CASTOR2: variants seen among roughly 807,000 people sequenced by gnomAD.
The protein encoded by CASTOR2 is GATS protein like 2.
A neutral mutation model predicts 31.2 loss-of-function variants in CASTOR2; 8 were observed. The observed-to-expected ratio is 0.26, with a 90% CI of 0.15 to 0.46. CASTOR2 has a LOEUF of 0.46. Ranked by LOEUF, CASTOR2 falls within the 20% of genes least tolerant of loss-of-function variation. CASTOR2 has a pLI of 0.99. For synonymous variants in CASTOR2, 162 were observed against 158.7 expected (o/e 1.02, Z -0.16); for missense variants, 216 against 382.1 (o/e 0.57, Z 3.62).
intron 1 of CASTOR2, among the ~76,000 whole-genome samples, chr7:74,993,248 A>G (rs1804254611): frequency 6.6e-6 from 1 of 151,868 alleles, no homozygotes; most frequent in Admixed American, 6.6e-5. Flanking sequence ...GAAGTCATCT[A>G]CCCCCAGGAT....
At chr7:74,992,520 A>G (rs1584465432) in intron 1 of CASTOR2, among the ~76,000 whole-genome samples, 1 of 151,912 alleles carries the variant, frequency 6.6e-6, no homozygotes, top group African/African-American at 2.4e-5. Flanking sequence ...GCTCACTGCA[A>G]CCTCTGCCTC....
intron 1 of CASTOR2, among the ~76,000 whole-genome samples, chr7:74,992,339 A>G (rs1804231829): frequency 6.6e-6 from 1 of 152,174 alleles, no homozygotes; most frequent in Non-Finnish European, 1.5e-5. Flanking sequence ...TGGTGGCTCA[A>G]TCCTGTAATC....
At chr7:75,005,991 G>A (rs1804597682) in intron 1 of CASTOR2, among the ~76,000 whole-genome samples, 1 of 152,204 alleles carries the variant, frequency 6.6e-6, no homozygotes, top group African/African-American at 2.4e-5. Context: ...TTAGCCAGAT[G>A]TGGTGGTGGG....
At position 75,027,881 on chromosome 7, in the gene CASTOR2, C is replaced by A; in HGVS notation, c.*3182C>A. 2 of 887,930 alleles carry A rather than the reference C, an allele frequency of 2.3e-6. No homozygotes were observed. Among genetic ancestry groups the A allele is most frequent in the Admixed American group, 4.1e-5 (2 of 49,052 alleles). 55.0% of individuals were successfully genotyped at this position (887,930 alleles called of 1,614,324 possible). A position where few individuals can be genotyped will look rare whatever the true frequency, so the allele number is the denominator to read the frequency against. ...GTTTTTCCCAGGCAGGGGCCGTCTG[C>A]CCTTGTCCCCCAGCTATCTCCTGGT... On this transcript the variant is annotated 3_prime_UTR_variant, in exon 9 of 9. Coordinates refer to ENST00000616305, the MANE Select transcript of CASTOR2 (RefSeq NM_001145064.3).
At chr7:75,012,927 G>A (rs185286247) in intron 2 of CASTOR2, among the ~76,000 whole-genome samples, 13 of 152,120 alleles carry the variant, frequency 8.5e-5, no homozygotes, top group Admixed American at 4.6e-4. Flanking sequence ...GATTATAGGC[G>A]TGAACCACCG....
intron 2 of CASTOR2, among the ~76,000 whole-genome samples, chr7:75,016,196 G>T (rs1450831160): frequency 3.9e-5 from 6 of 152,192 alleles, no homozygotes; most frequent in Non-Finnish European, 5.9e-5. Flanking sequence ...GAAGAGCCCC[G>T]AATGCAGCCT....
At chr7:74,998,709 G>T (rs1288948976) in intron 1 of CASTOR2, among the ~76,000 whole-genome samples, 1 of 151,800 alleles carries the variant, frequency 6.6e-6, no homozygotes, top group African/African-American at 2.4e-5. Flanking sequence ...AAAGGAAGTT[G>T]GGCTGGGGAC....
intron 1 of CASTOR2, among the ~76,000 whole-genome samples, chr7:75,005,087 G>A (rs1290136570): frequency 1.3e-5 from 2 of 150,338 alleles, no homozygotes; most frequent in African/African-American, 2.4e-5. Context: ...GGCTGGTCTC[G>A]AACTCCTGAC....
chr7:74,993,068 C>T (rs1218128468), intron 1 of CASTOR2, among the ~76,000 whole-genome samples: 1 of 145,264 alleles, frequency 6.9e-6, no homozygotes, highest in Non-Finnish European at 1.5e-5. Context: ...GGTGTGGTGG[C>T]ACGCGCCTGT....
chr7:75,017,637 C>T lies in CASTOR2; in HGVS notation c.224C>T (p.Thr75Ile). The T allele has an allele frequency of 1.2e-6, 2 of 1,614,036 alleles. No individual in the cohort carries two copies. The highest frequency in any genetic ancestry group is 1.7e-6 in the Non-Finnish European group (2 of 1,179,884). ...SSEHLSVADA[T>I]WLALNVVSGG... ...GAGCACCTGAGTGTGGCAGATGCCA[C>T]CTGGCTGGCCCTGAACGTGGTGTCC... The change falls in exon 3 of 9, where the codon ACC becomes ATC. Residue 75 changes from threonine (T) to isoleucine (I), a missense_variant. Physicochemically the swap from Thr to Ile is moderately conservative, Grantham distance 89 (BLOSUM62 -1). This residue lies in a region of CASTOR2 where 114 missense variants were observed against 194.2 expected (regional missense o/e 0.59). Transcript: ENST00000616305.
intron 1 of CASTOR2, among the ~76,000 whole-genome samples, chr7:74,999,368 AC>A (rs1378650063): frequency 2.6e-5 from 4 of 151,910 alleles, no homozygotes; most frequent in African/African-American, 9.7e-5. Flanking sequence ...CAATTGCAGA[AC>A]CAATTAAGGG....
At chr7:75,003,477 A>G (rs1487441414) in intron 1 of CASTOR2, among the ~76,000 whole-genome samples, 6 of 151,048 alleles carry the variant, frequency 4.0e-5, no homozygotes, top group African/African-American at 1.2e-4. Context: ...AAGGCCGGGC[A>G]TGGTGGCTCA....
At chr7:75,006,677 G>A (rs1237806873) in intron 1 of CASTOR2, among the ~76,000 whole-genome samples, 1 of 152,138 alleles carries the variant, frequency 6.6e-6, no homozygotes, top group Non-Finnish European at 1.5e-5. Context: ...GGAGATAATT[G>A]AATCATGGGG....
intron 1 of CASTOR2, among the ~76,000 whole-genome samples, chr7:74,969,388 TCTG>T (rs1170458497): frequency 2.1e-5 from 1 of 47,582 alleles, no homozygotes; most frequent in African/African-American, 1.1e-4. Context: ...GCTTGAGTGA[TCTG>T]CTACCAGAGC....
At position 75,026,873 on chromosome 7, in the gene CASTOR2, C is replaced by T. The variant is rs1297658999; in HGVS notation, c.*2174C>T. Reference sequence around the variant, plus strand: ...TTTCCTTCCCGCCGTGCAAGTGTGTCGGCCCCGTGACCCCAGAGTCGTGTG... The same window carrying T: ...TTTCCTTCCCGCCGTGCAAGTGTGTTGGCCCCGTGACCCCAGAGTCGTGTG... On this transcript the variant is annotated 3_prime_UTR_variant, in exon 9 of 9. Coordinates refer to ENST00000616305, the MANE Select transcript of CASTOR2 (RefSeq NM_001145064.3). Among the ~76,000 whole-genome samples, 2 of 152,192 alleles carry T rather than the reference C, an allele frequency of 1.3e-5. No homozygotes were observed. The highest frequency in any genetic ancestry group is 1.9e-4 in the East Asian group (1 of 5,178).
chr7:75,027,905 G>T lies in CASTOR2; in HGVS notation c.*3206G>T. ...GCCCTTGTCCCCCAGCTATCTCCTG[G>T]TCTGCTGGGTGGGAGGGTCTCTCCA... On this transcript the variant is annotated 3_prime_UTR_variant, in exon 9 of 9. Coordinates refer to ENST00000616305, the MANE Select transcript of CASTOR2 (RefSeq NM_001145064.3). 2.8e-6 allele frequency: 3 copies of T among 1,055,728 alleles called. No homozygotes were observed. Among genetic ancestry groups the T allele is most frequent in the Non-Finnish European group, 2.8e-6 (2 of 711,342 alleles). 65.4% of individuals were successfully genotyped at this position (1,055,728 alleles called of 1,614,324 possible). A position where few individuals can be genotyped will look rare whatever the true frequency, so the allele number is the denominator to read the frequency against.
At chr7:75,022,948 A>G (rs1805039564) in intron 7 of CASTOR2, among the ~76,000 whole-genome samples, 1 of 152,224 alleles carries the variant, frequency 6.6e-6, no homozygotes, top group South Asian at 2.1e-4. Context: ...AATACATGTA[A>G]TTGTCACATA....
chr7:74,965,878 A>T (rs1250928618), intron 1 of CASTOR2, among the ~76,000 whole-genome samples: 9 of 22,290 alleles, frequency 4.0e-4, no homozygotes, highest in Non-Finnish European at 7.0e-4. Flanking sequence ...ACACACACAC[A>T]CACACTCTCT....
chr7:74,969,963 GAC>G (rs1248266705), intron 1 of CASTOR2, among the ~76,000 whole-genome samples: 1 of 147,352 alleles, frequency 6.8e-6, no homozygotes, highest in African/African-American at 2.5e-5. Flanking sequence ...GAGCGGTGAA[GAC>G]ACTAGCTTTG....
Sources: allele counts gnomAD v4.1 joint callset (sites outside exome capture counted in the v4.1 genomes callset), GRCh38; gene constraint gnomAD v4.1.1; regional missense constraint gnomAD v4.1.1; transcripts MANE v1.5; gene names NCBI Gene and HGNC (gene_info 2026-07-23, HGNC 2026-07-21).